Variants in LRRFIP1 observed in about 807,000 individuals in gnomAD.
LRRFIP1 encodes LRR binding FLII interacting protein 1, also known as leucine-rich repeat flightless-interacting protein 1.
Under a neutral mutation model 104.4 loss-of-function variants are expected in LRRFIP1, and 62 were observed. That is an observed-to-expected ratio of 0.59 (90% CI 0.48 to 0.73). The LOEUF (loss-of-function observed/expected upper bound fraction) is 0.73. Among genes scored for constraint, LRRFIP1 ranks in the 30% least tolerant of loss-of-function variants. The probability of loss-of-function intolerance (pLI) is 0.00; values close to 1 mark genes in which losing one functional copy is unlikely to be tolerated. For synonymous variants in LRRFIP1, 300 were observed against 299.0 expected, an observed-to-expected ratio of 1.00 and a Z score of -0.03; for missense variants, 796 against 824.5, an observed-to-expected ratio of 0.97 and a Z score of 0.42.
intron 8 of LRRFIP1, among the ~76,000 whole-genome samples, chr2:237,731,958 A>G (rs577197977): frequency 6.6e-6 from 1 of 152,336 alleles, no homozygotes; most frequent in East Asian, 1.9e-4. Flanking sequence ...GCTGCCCAGT[A>G]CGTGGTGCGT....
rs1300533825 is a variant in LRRFIP1 at position 237,756,181 on chromosome 2, G to A, written c.1125G>A (p.Met375Ile). Residue 375 changes from methionine (M) to isoleucine (I), a missense_variant, in exon 16 of 24, where the codon ATG becomes ATA. By Grantham distance (10) the Met-to-Ile change is conservative (BLOSUM62 1). Coordinates refer to ENST00000308482, the MANE Select transcript of LRRFIP1 (RefSeq NM_001137550.2). ...AGGCCCTGAAGCAAAGAGAGGAAAT[G>A]CTCGAGGTAGGTAGCATTCTCCTGC... The part of the protein sequence containing the change: ...VKEALKQREE[M>I]LEEIRQLQQK... 3 of 1,612,780 alleles carry A rather than the reference G, an allele frequency of 1.9e-6. No homozygotes were observed.
At chr2:237,686,048 C>T (rs2092343059) in intron 1 of LRRFIP1, among the ~76,000 whole-genome samples, 2 of 152,192 alleles carry the variant, frequency 1.3e-5, no homozygotes, top group Non-Finnish European at 2.9e-5. Flanking sequence ...TCTGTCTTGA[C>T]TTGTTCTTAC....
chr2:237,661,088 G>A lies in LRRFIP1; in HGVS notation c.96+33348G>A, dbSNP rs2149463537. ...CATCTCTGCTCTCCCACCGCTTCCT[G>A]GGTTGGGCTGCGGGGAGAGGCCTTG... On this transcript the variant is annotated intron_variant, in intron 1 of 23. Coordinates refer to ENST00000308482, the MANE Select transcript of LRRFIP1 (RefSeq NM_001137550.2). This position sits in a 1 kb window ranked among gnomAD's most constrained non-coding sequence, Gnocchi z 4.4. Among the ~76,000 whole-genome samples the A allele has an allele frequency of 6.6e-6, 1 of 152,266 alleles. No homozygotes were observed. Among genetic ancestry groups the A allele is most frequent in the Admixed American group, 6.5e-5 (1 of 15,304 alleles).
chr2:237,775,800 T>C (rs914583406), intron 23 of LRRFIP1, among the ~76,000 whole-genome samples: 1 of 152,068 alleles, frequency 6.6e-6, no homozygotes, highest in South Asian at 2.1e-4. Flanking sequence ...AGCGTGCCAC[T>C]GCACTCCAGC....
chr2:237,752,610 C>A (rs1457886451), intron 14 of LRRFIP1, among the ~76,000 whole-genome samples: 1 of 152,170 alleles, frequency 6.6e-6, no homozygotes. Flanking sequence ...TTCTGCCTCT[C>A]TGTTTTGGAA....
In LRRFIP1 at chr2:237,749,208, A is replaced by G; in HGVS notation, c.679A>G (p.Asn227Asp). ...EKDFTEKGSRNMPGLSAATLA... is the reference protein window; with the variant it reads ...EKDFTEKGSRDMPGLSAATLA... ...CCTCTCAACGTTCCAGGGGTCTCGT[A>G]ACATGCCGGGCCTGTCTGCAGCCAC... is the stretch of plus-strand genomic sequence containing the variant. The change falls in exon 13 of 24, where the codon AAC (asparagine) becomes GAC (aspartate). Residue 227 changes from asparagine to aspartate, a missense_variant. Asn to Asp is a conservative substitution (Grantham distance 23). Transcript: ENST00000308482. 1 of 1,613,340 alleles carries G rather than the reference A, an allele frequency of 6.2e-7. No individual in the cohort carries two copies. The highest frequency in any genetic ancestry group is 8.5e-7 in the Non-Finnish European group (1 of 1,179,930).
intron 8 of LRRFIP1, among the ~76,000 whole-genome samples, chr2:237,730,970 G>A (rs2094978226): frequency 6.6e-6 from 1 of 151,168 alleles, no homozygotes; most frequent in South Asian, 2.1e-4. Flanking sequence ...AAAAGAATAG[G>A]AACTAACCAG....
At chr2:237,634,598 A>G (rs1461885348) in intron 1 of LRRFIP1, among the ~76,000 whole-genome samples, 2 of 152,234 alleles carry the variant, frequency 1.3e-5, no homozygotes, top group Non-Finnish European at 2.9e-5. Flanking sequence ...TTTCACAAAA[A>G]GACCTCTGAA....
At position 237,766,134 on chromosome 2, in the gene LRRFIP1, C is replaced by T. The variant is rs920243405; in HGVS notation, c.1460-3809C>T. Among the ~76,000 whole-genome samples, 1 of 152,172 alleles carries T rather than the reference C, an allele frequency of 6.6e-6. No individual in the cohort carries two copies. The highest frequency in any genetic ancestry group is 2.4e-5 in the African/African-American group (1 of 41,446). On this transcript the variant is annotated intron_variant, in intron 19 of 23. Coordinates refer to ENST00000308482, the MANE Select transcript of LRRFIP1 (RefSeq NM_001137550.2). The surrounding 1 kb of genome is among the most constrained non-coding windows in gnomAD (Gnocchi z 4.8). ...TTACTGGGAGAACTGAGACGATTGT[C>T]ACGCACCATCCCCTGTGATCTGTGG...
chr2:237,724,622 G>A (rs1275035056), intron 7 of LRRFIP1, among the ~76,000 whole-genome samples: 1 of 152,210 alleles, frequency 6.6e-6, no homozygotes, highest in African/African-American at 2.4e-5. Context: ...GCTCTGGCAG[G>A]TGAGGGCATT....
chr2:237,753,405 A>T lies in LRRFIP1; in HGVS notation c.964A>T (p.Thr322Ser), dbSNP rs751606962. The change falls in exon 15 of 24, where the codon ACC (threonine) becomes TCC (serine). Residue 322 changes from threonine to serine, a missense_variant. By Grantham distance (58) the Thr-to-Ser change is moderately conservative (BLOSUM62 1). Transcript: ENST00000308482. ...EKTNFMYQVD[T>S]LKDMLLELEE... ...GACAAACTTCATGTACCAGGTTGAT[A>T]CCCTAAAAGATATGTTGCTGGAGCT... 9 of 1,606,100 alleles carry T rather than the reference A, an allele frequency of 5.6e-6. No homozygotes were observed. Among genetic ancestry groups the T allele is most frequent in the Non-Finnish European group, 7.6e-6 (9 of 1,178,274 alleles).
intron 10 of LRRFIP1, among the ~76,000 whole-genome samples, chr2:237,738,131 A>G (rs1163386581): frequency 1.3e-5 from 2 of 152,032 alleles, no homozygotes; most frequent in South Asian, 2.1e-4. Context: ...ATGAGATCAC[A>G]AGCACCCCTG....
chr2:237,639,075 A>C (rs2083521693), intron 1 of LRRFIP1, among the ~76,000 whole-genome samples: 1 of 152,230 alleles, frequency 6.6e-6, no homozygotes, highest in Admixed American at 6.5e-5. Flanking sequence ...CACAGGCTGC[A>C]GGGCGTGCTG....
chr2:237,683,021 C>A (rs1380970051), intron 1 of LRRFIP1, among the ~76,000 whole-genome samples: 4 of 152,230 alleles, frequency 2.6e-5, no homozygotes, highest in African/African-American at 9.6e-5. Flanking sequence ...GTGGAGAGCG[C>A]TGCCAGCATC....
Position 237,661,567 on chromosome 2 carries a change from A to G in LRRFIP1, c.96+33827A>G, listed in dbSNP as rs1277913572. On this transcript the variant is annotated intron_variant, in intron 1 of 23. Transcript: ENST00000308482. The surrounding 1 kb of genome is among the most constrained non-coding windows in gnomAD (Gnocchi z 4.4). ...GTTCCTGCCCAGGGCAAACTGCCCT[A>G]TGTGCATCTCTGTCCTCATCCATGA... Among the ~76,000 whole-genome samples, 2 of 152,148 alleles carry G rather than the reference A, an allele frequency of 1.3e-5. No homozygotes were observed. Among genetic ancestry groups the G allele is most frequent in the Non-Finnish European group, 2.9e-5 (2 of 68,026 alleles).
chr2:237,780,166 C>CTT lies in LRRFIP1; in HGVS notation c.*639_*640dup, dbSNP rs1436669417. 1 of 152,116 alleles carries CTT rather than the reference C, an allele frequency of 6.6e-6. No individual in the cohort carries two copies. Among genetic ancestry groups the CTT allele is most frequent in the Non-Finnish European group, 1.5e-5 (1 of 68,024 alleles). 9.4% of individuals were successfully genotyped at this position (152,116 alleles called of 1,614,324 possible). A position where few individuals can be genotyped will look rare whatever the true frequency, so the allele number is the denominator to read the frequency against. On this transcript the variant is annotated 3_prime_UTR_variant, in exon 24 of 24. Coordinates refer to ENST00000308482, the MANE Select transcript of LRRFIP1 (RefSeq NM_001137550.2). ...TTGCATCAGTTCAGTCATAAGAATA[C>CTT]TTTTTTCCAGGGTAATTAGGCAATA...
At chr2:237,697,635 G>A (rs1006166072) in intron 1 of LRRFIP1, among the ~76,000 whole-genome samples, 1 of 152,220 alleles carries the variant, frequency 6.6e-6, no homozygotes, top group Admixed American at 6.5e-5. Flanking sequence ...TGCTGGTGGA[G>A]CTTTCAGCCT....
At chr2:237,763,577 G>C in intron 19 of LRRFIP1, 3 of 1,613,122 alleles carry the variant, frequency 1.9e-6, no homozygotes, top group Non-Finnish European at 2.5e-6. Flanking sequence ...AGCAGTGGAA[G>C]CCCAAAACGA....
At chr2:237,738,881 G>GGCA (rs1211493590) in intron 10 of LRRFIP1, among the ~76,000 whole-genome samples, 1 of 152,250 alleles carries the variant, frequency 6.6e-6, no homozygotes, top group Non-Finnish European at 1.5e-5. Context: ...TGTGCCGGAA[G>GGCA]GCAGCTTAAG....
Sources: gnomAD v4.1 joint callset for allele counts (sites outside exome capture counted in the v4.1 genomes callset) on GRCh38, gnomAD v4.1.1 for gene constraint, Gnocchi (gnomAD v3.1) non-coding constraint, MANE v1.5 for transcripts, NCBI Gene and HGNC (gene_info 2026-07-23, HGNC 2026-07-21) for gene names.